The following CBLN2 variants were observed in gnomAD, a reference collection of about 807,000 sequenced individuals.
CBLN2 encodes the protein cerebellin-2.
CBLN2 carries 7 observed loss-of-function variants against 15.0 expected under a neutral mutation model. The observed-to-expected ratio is 0.47, with a 90% CI of 0.27 to 0.88. CBLN2 has a LOEUF of 0.88. Ranked by LOEUF, CBLN2 falls within the 40% of genes least tolerant of loss-of-function variation. The pLI, the probability that CBLN2 is intolerant of heterozygous loss-of-function variation, is 0.14. For missense variants in CBLN2, 242 were observed against 304.5 expected, an observed-to-expected ratio of 0.79 and a Z score of 1.53; for synonymous variants, 149 against 135.2, an observed-to-expected ratio of 1.10 and a Z score of -0.71.
chr18:72,627,021 T>C lies in CBLN2; in HGVS notation c.15+11304A>G, dbSNP rs570847119. ...ATGTTGGCTTTCCCACTCAACGTTA[T>C]TTTTGTGAGACATCCATATTGTGTC... On this transcript the variant is annotated intron_variant, in intron 1 of 2. Transcript: ENST00000581073. 4.6e-5 allele frequency among the ~76,000 whole-genome samples: 7 copies of C among 152,340 alleles called. No homozygotes were observed. The South Asian group carries it at 1.5e-3, about 32-fold the overall frequency.
chr18:72,549,133 T>C (rs1172939476), upstream of CBLN2, among the ~76,000 whole-genome samples: 1 of 152,208 alleles, frequency 6.6e-6, no homozygotes, highest in African/African-American at 2.4e-5. Flanking sequence ...TGTCTCAGCC[T>C]TCCTAGTAGC....
At chr18:72,617,354 T>C (rs1026163907) in intron 1 of CBLN2, among the ~76,000 whole-genome samples, 1 of 152,176 alleles carries the variant, frequency 6.6e-6, no homozygotes, top group Non-Finnish European at 1.5e-5. Context: ...ACTAAATAGT[T>C]AAAATTATGA....
At chr18:72,545,822 C>A (rs1440476560), upstream of CBLN2, among the ~76,000 whole-genome samples, 3 of 152,228 alleles carry the variant, frequency 2.0e-5, no homozygotes, top group Non-Finnish European at 4.4e-5. Flanking sequence ...TACTCAGCAT[C>A]TTTCCTCAAT....
At chr18:72,616,928 C>T (rs2069666494) in intron 1 of CBLN2, among the ~76,000 whole-genome samples, 1 of 152,052 alleles carries the variant, frequency 6.6e-6, no homozygotes, top group Non-Finnish European at 1.5e-5. Context: ...CAATATATTC[C>T]TAAATGGTAT....
chr18:72,588,501 T>C (rs956361762), intron 1 of CBLN2, among the ~76,000 whole-genome samples: 1 of 152,156 alleles, frequency 6.6e-6, no homozygotes, highest in Non-Finnish European at 1.5e-5. Context: ...GCATTTTCAG[T>C]TTTGACTGTG....
chr18:72,622,166 C>G lies in CBLN2; in HGVS notation c.15+16159G>C, dbSNP rs577828890. On this transcript the variant is annotated intron_variant, in intron 1 of 2. Transcript: ENST00000581073. ...AATATTTTTCTCTTTGCCCAACACT[C>G]TCAGAATTGTGAACCTCTTGAATGT... Among the ~76,000 whole-genome samples the G allele has an allele frequency of 1.1e-3, 172 of 152,260 alleles. 3 individuals are homozygous for G. Among genetic ancestry groups the G allele is most frequent in the Admixed American group, 0.011 (170 of 15,286 alleles).
At chr18:72,604,067 G>A (rs1490631381) in intron 1 of CBLN2, among the ~76,000 whole-genome samples, 3 of 152,154 alleles carry the variant, frequency 2.0e-5, no homozygotes, top group African/African-American at 7.2e-5. Context: ...GTGGGGTCTA[G>A]GAGACAGTAC....
chr18:72,604,803 A>C (rs890063197), intron 1 of CBLN2, among the ~76,000 whole-genome samples: 1 of 152,214 alleles, frequency 6.6e-6, no homozygotes, highest in Non-Finnish European at 1.5e-5. Context: ...GCAGGCCCTC[A>C]ACCTTGGACT....
chr18:72,633,607 C>T (rs1008135700), intron 1 of CBLN2, among the ~76,000 whole-genome samples: 5 of 152,076 alleles, frequency 3.3e-5, no homozygotes, highest in Non-Finnish European at 7.4e-5. Flanking sequence ...AAACATTCTG[C>T]TATAATAAAC....
intron 1 of CBLN2, among the ~76,000 whole-genome samples, chr18:72,627,903 T>A (rs899541327): frequency 2.0e-5 from 3 of 152,236 alleles, no homozygotes. Flanking sequence ...TTATGTTTCT[T>A]GTCAATGTGT....
chr18:72,601,483 G>C (rs17086206), intron 1 of CBLN2, among the ~76,000 whole-genome samples: 2,042 of 152,210 alleles, frequency 0.013, 60 homozygotes, highest in African/African-American at 0.047. Flanking sequence ...CAGCAAGCAG[G>C]CGTCTCCATG....
At chr18:72,580,970 G>A (rs371414121) in intron 1 of CBLN2, among the ~76,000 whole-genome samples, 66 of 152,160 alleles carry the variant, frequency 4.3e-4, no homozygotes, top group African/African-American at 1.5e-3. Flanking sequence ...CCAGTATTCC[G>A]CTAAGCCAGT....
At chr18:72,590,261 T>C (rs966894341) in intron 1 of CBLN2, among the ~76,000 whole-genome samples, 2 of 142,218 alleles carry the variant, frequency 1.4e-5, no homozygotes, top group African/African-American at 5.4e-5. Flanking sequence ...CGAGACTCCG[T>C]CTCAAAAAAA....
intron 1 of CBLN2, among the ~76,000 whole-genome samples, chr18:72,604,207 G>A (rs529905659): frequency 1.3e-5 from 2 of 152,256 alleles, no homozygotes; most frequent in South Asian, 4.2e-4. Context: ...CCTCAGACCT[G>A]TTGAAACAGT....
At chr18:72,569,349 T>C (rs1005073036) in intron 1 of CBLN2, among the ~76,000 whole-genome samples, 14 of 152,164 alleles carry the variant, frequency 9.2e-5, no homozygotes, top group Non-Finnish European at 1.8e-4. Context: ...AATAATGATA[T>C]TGTTTTACAT....
At chr18:72,578,062 G>A (rs930137470) in intron 1 of CBLN2, among the ~76,000 whole-genome samples, 4 of 152,126 alleles carry the variant, frequency 2.6e-5, no homozygotes, top group African/African-American at 7.2e-5. Flanking sequence ...GGGAATCGGC[G>A]ACTAAGTTCA....
upstream of CBLN2, among the ~76,000 whole-genome samples, chr18:72,548,618 C>T (rs952805530): frequency 1.1e-4 from 17 of 151,716 alleles, no homozygotes; most frequent in African/African-American, 1.7e-4. Flanking sequence ...GTATGGTTAT[C>T]CCCTGCACAG....
intron 1 of CBLN2, among the ~76,000 whole-genome samples, chr18:72,628,653 C>T (rs1311484637): frequency 1.3e-5 from 2 of 152,226 alleles, no homozygotes; most frequent in East Asian, 3.9e-4. Context: ...CTTGAGTCAT[C>T]TCAGACAACA....
At chr18:72,546,400 G>A (rs1016543882), upstream of CBLN2, among the ~76,000 whole-genome samples, 1 of 151,678 alleles carries the variant, frequency 6.6e-6, no homozygotes, top group South Asian at 2.1e-4. Flanking sequence ...TCGGGCCACT[G>A]CAGTCCTCCG....
Sources: allele counts gnomAD v4.1 joint callset (sites outside exome capture counted in the v4.1 genomes callset), GRCh38; gene constraint gnomAD v4.1.1; transcripts MANE v1.5; gene names NCBI Gene and HGNC (gene_info 2026-07-23, HGNC 2026-07-21).